The following TRIM9 variants were observed in gnomAD, a reference collection of about 807,000 sequenced individuals.
TRIM9 encodes the protein E3 ubiquitin-protein ligase TRIM9.
A neutral mutation model predicts 78.3 loss-of-function variants in TRIM9; 26 were observed. The observed-to-expected ratio is 0.33, with a 90% confidence interval of 0.24 to 0.46. The LOEUF (loss-of-function observed/expected upper bound fraction) is 0.46. Among genes scored for constraint, TRIM9 ranks in the 20% least tolerant of loss-of-function variants. TRIM9 has a pLI of 1.00. For synonymous variants in TRIM9, 398 were observed against 416.5 expected (o/e 0.96, Z 0.54); for missense variants, 787 against 1,036.4 (o/e 0.76, Z 3.30).
chr14:51,037,812 G>A (rs1021176244), intron 1 of TRIM9, among the ~76,000 whole-genome samples: 4 of 151,942 alleles, frequency 2.6e-5, no homozygotes, highest in African/African-American at 7.2e-5. Flanking sequence ...AACCAGCGGC[G>A]TTACCATCTA....
intron 11 of TRIM9, among the ~76,000 whole-genome samples, chr14:50,980,885 A>G (rs1329700333): frequency 6.6e-6 from 1 of 152,228 alleles, no homozygotes; most frequent in African/African-American, 2.4e-5. Flanking sequence ...GAGAAGGGTC[A>G]GTGATGAGCA....
chr14:51,025,470 G>C (rs2058131609), intron 1 of TRIM9, 110 bp from the exon 2 acceptor site: 2 of 930,400 alleles, frequency 2.1e-6, no homozygotes, highest in Non-Finnish European at 3.3e-6. Flanking sequence ...CCTCTTGTCT[G>C]AGGTTGGACC....
intron 1 of TRIM9, among the ~76,000 whole-genome samples, chr14:51,077,524 G>C (rs1309604838): frequency 6.6e-6 from 1 of 150,584 alleles, no homozygotes; most frequent in Non-Finnish European, 1.5e-5. Flanking sequence ...TCTCCAAGTA[G>C]CTGGGACTAC....
intron 1 of TRIM9, among the ~76,000 whole-genome samples, chr14:51,029,734 A>AT (rs1313553501): frequency 6.6e-6 from 1 of 152,018 alleles, no homozygotes; most frequent in African/African-American, 2.4e-5. Context: ...TGCAATCCCA[A>AT]TCACCTCCCT....
intron 2 of TRIM9, among the ~76,000 whole-genome samples, chr14:51,023,855 G>A (rs1053027496): frequency 1.3e-5 from 2 of 152,184 alleles, no homozygotes; most frequent in Non-Finnish European, 2.9e-5. Flanking sequence ...TGAGTAAACT[G>A]TAAACTTTTG....
intron 1 of TRIM9, among the ~76,000 whole-genome samples, chr14:51,089,727 T>C (rs981893045): frequency 3.3e-5 from 5 of 152,164 alleles, no homozygotes; most frequent in African/African-American, 1.2e-4. Flanking sequence ...TCTGGACCCA[T>C]GAGGAAGAGT....
At chr14:51,014,613 G>A (rs1023109402) in intron 3 of TRIM9, among the ~76,000 whole-genome samples, 2 of 152,202 alleles carry the variant, frequency 1.3e-5, no homozygotes, top group African/African-American at 4.8e-5. Flanking sequence ...AAATCAGGCA[G>A]ATTACCTTAA....
chr14:50,983,015 A>T (rs1202942670), intron 9 of TRIM9, 50 bp from the exon 10 acceptor site: 1 of 1,520,034 alleles, frequency 6.6e-7, no homozygotes, highest in East Asian at 2.5e-5. Context: ...AGGAAGCAAA[A>T]TTGACATGGA....
Position 51,010,502 on chromosome 14 carries a change from T to TA in TRIM9, c.1042-9dup, listed in dbSNP as rs113787131. On this transcript the variant is annotated splice_polypyrimidine_tract_variant and intron_variant, in intron 3 of 12. Coordinates refer to ENST00000684578, the MANE Select transcript of TRIM9 (RefSeq NM_001387360.1). The stretch of plus-strand genomic sequence containing the variant: ...GATCTGATCTCGAACCACCTAGGAT[T>TA]AAAAAAAAAACAACAGAACAGTCCA... 23,752 of 1,396,198 alleles carry TA rather than the reference T, an allele frequency of 0.017. 39 individuals carry two copies. Among genetic ancestry groups the TA allele is most frequent in the Non-Finnish European group, 0.019 (19,167 of 1,029,994 alleles). The allele number at this position is 1,396,198 out of a possible 1,614,324, so 86.5% of individuals were successfully genotyped here. A position where few individuals can be genotyped will look rare whatever the true frequency, so the allele number is the denominator to read the frequency against.
At chr14:51,076,014 T>C (rs2062752061) in intron 1 of TRIM9, among the ~76,000 whole-genome samples, 1 of 152,238 alleles carries the variant, frequency 6.6e-6, no homozygotes, top group African/African-American at 2.4e-5. Flanking sequence ...GGAGCACCAA[T>C]ACAAATGGCT....
intron 1 of TRIM9, among the ~76,000 whole-genome samples, chr14:51,080,180 T>C (rs971264477): frequency 4.0e-5 from 6 of 151,404 alleles, no homozygotes; most frequent in South Asian, 2.1e-4. Context: ...CTCCTACCAA[T>C]AGATTGATCT....
chr14:50,982,042 G>A lies in TRIM9; in HGVS notation c.1920C>T (p.Asn640=). ...AHSDIILSND[N]LTVTCSSYDD... is the part of the protein sequence containing the mutation. ...CATAGCTACTACAGGTCACTGTCAG[G>A]TTGTCATTGGAGAGGATGATGTCCG... Residue 640 remains asparagine (N), a synonymous_variant, in exon 11 of 13, where the codon AAC becomes AAT. Transcript: ENST00000684578. 6.2e-7 allele frequency: 1 copy of A among 1,614,180 alleles called. No individual in the cohort carries two copies. The highest frequency in any genetic ancestry group is 8.5e-7 in the Non-Finnish European group (1 of 1,180,036).
At position 51,022,748 on chromosome 14, in the gene TRIM9, T is replaced by C. The variant is rs559391988; in HGVS notation, c.1041+87A>G. ...TGTGGGCATCCTCTCCTCCTGTCCATGGGAAGGAATTCTCCCAGCCTGTCC... is the reference window on the plus strand; with the variant it reads ...TGTGGGCATCCTCTCCTCCTGTCCACGGGAAGGAATTCTCCCAGCCTGTCC... On this transcript the variant is annotated intron_variant, in intron 3 of 12. Coordinates refer to ENST00000684578, the MANE Select transcript of TRIM9 (RefSeq NM_001387360.1). 22 of 1,569,162 alleles carry C rather than the reference T, an allele frequency of 1.4e-5. 1 individual carries two copies. The South Asian group carries it at 2.4e-4, about 17-fold the overall frequency.
At chr14:51,084,471 CATTG>C (rs1438612890) in intron 1 of TRIM9, among the ~76,000 whole-genome samples, 32 of 152,150 alleles carry the variant, frequency 2.1e-4, no homozygotes, top group African/African-American at 7.7e-4. Context: ...CTTCATACTG[CATTG>C]ATTATGTGCT....
intron 7 of TRIM9, chr14:50,997,563 C>A (rs1306578748): frequency 1.0e-6 from 1 of 999,640 alleles, no homozygotes; most frequent in Non-Finnish European, 1.2e-6. Flanking sequence ...AGCTCTAGCA[C>A]CCCACCACCC....
chr14:51,009,735 G>C (rs1471798282), intron 4 of TRIM9, among the ~76,000 whole-genome samples: 1 of 152,130 alleles, frequency 6.6e-6, no homozygotes, highest in African/African-American at 2.4e-5. Context: ...TTGGTAGAAA[G>C]CTCTTTCATT....
intron 1 of TRIM9, among the ~76,000 whole-genome samples, chr14:51,031,713 A>C (rs1196861679): frequency 6.6e-6 from 1 of 151,854 alleles, no homozygotes; most frequent in African/African-American, 2.4e-5. Flanking sequence ...TTTCCTTACC[A>C]CTTTAATTAG....
At chr14:51,044,882 T>C (rs187913203) in intron 1 of TRIM9, among the ~76,000 whole-genome samples, 23 of 152,304 alleles carry the variant, frequency 1.5e-4, no homozygotes, top group African/African-American at 5.5e-4. Context: ...TCGGCAGTCA[T>C]TTTTGTTTTG....
chr14:51,056,466 G>T (rs545770352), intron 1 of TRIM9, among the ~76,000 whole-genome samples: 1 of 152,274 alleles, frequency 6.6e-6, no homozygotes, highest in South Asian at 2.1e-4. Context: ...TGGCAGATAT[G>T]CTATACTCTA....
Sources: gnomAD v4.1 joint callset for allele counts (sites outside exome capture counted in the v4.1 genomes callset) on GRCh38, gnomAD v4.1.1 for gene constraint, MANE v1.5 for transcripts, NCBI Gene and HGNC (gene_info 2026-07-23, HGNC 2026-07-21) for gene names.